Variants in VTI1A observed in about 807,000 individuals in gnomAD.
The protein encoded by VTI1A is vesicle transport through interaction with t-SNAREs 1A.
Under a neutral mutation model 34.9 loss-of-function variants are expected in VTI1A, and 22 were observed. The observed-to-expected ratio is 0.63, with a 90% CI of 0.45 to 0.90. VTI1A has a LOEUF of 0.90. Among genes scored for constraint, VTI1A ranks in the 40% least tolerant of loss-of-function variants. VTI1A has a pLI of 0.00. For synonymous variants in VTI1A, 87 were observed against 97.3 expected (o/e 0.89, Z 0.62); for missense variants, 268 against 275.6 (o/e 0.97, Z 0.20).
At chr10:112,808,745 C>T (rs180856435) in intron 7 of VTI1A, among the ~76,000 whole-genome samples, 133 of 152,108 alleles carry the variant, frequency 8.7e-4, no homozygotes, top group African/African-American at 2.9e-3. Context: ...GTTTCAGGCA[C>T]ACAGCAGGAA....
At chr10:112,482,335 A>AAT (rs961003722) in intron 3 of VTI1A, among the ~76,000 whole-genome samples, 1 of 152,100 alleles carries the variant, frequency 6.6e-6, no homozygotes, top group African/African-American at 2.4e-5. Context: ...CTTTTAAGCA[A>AAT]ATTGTTGTAC....
chr10:112,575,108 A>G (rs7093363), intron 5 of VTI1A, among the ~76,000 whole-genome samples: 14,580 of 152,256 alleles, frequency 0.096, 1,828 homozygotes, highest in African/African-American at 0.29. Flanking sequence ...TTCCATGACC[A>G]CAAGGACCTT....
At chr10:112,698,640 G>T (rs1003556447) in intron 7 of VTI1A, among the ~76,000 whole-genome samples, 2 of 152,170 alleles carry the variant, frequency 1.3e-5, no homozygotes, top group Non-Finnish European at 2.9e-5. Context: ...TTACCACATG[G>T]CTTAACACCC....
chr10:112,720,133 T>C (rs1849748701), intron 7 of VTI1A, among the ~76,000 whole-genome samples: 2 of 152,232 alleles, frequency 1.3e-5, no homozygotes, highest in Admixed American at 1.3e-4. Flanking sequence ...TTGGGTTGTT[T>C]CTACTTTTTG....
intron 5 of VTI1A, among the ~76,000 whole-genome samples, chr10:112,546,594 A>T (rs994271203): frequency 6.6e-6 from 1 of 152,174 alleles, no homozygotes; most frequent in African/African-American, 2.4e-5. Context: ...AGCATCCAGT[A>T]ACCCAAAAAG....
chr10:112,836,851 T>C, the VTI1A span, among the ~76,000 whole-genome samples: 1 of 152,342 alleles, frequency 6.6e-6, no homozygotes. Flanking sequence ...TCCAAGCTGC[T>C]ACCAGTCGTT....
chr10:112,642,829 C>T (rs1447181154), intron 5 of VTI1A, among the ~76,000 whole-genome samples: 3 of 151,978 alleles, frequency 2.0e-5, no homozygotes, highest in East Asian at 3.9e-4. Flanking sequence ...AATAGTGGTA[C>T]AGATAATGAA....
downstream of VTI1A, among the ~76,000 whole-genome samples, chr10:112,821,115 G>A (rs979942953): frequency 7.2e-5 from 11 of 152,216 alleles, no homozygotes; most frequent in Admixed American, 6.5e-4. Flanking sequence ...AGACATCACA[G>A]AGGGGGCAGT....
intron 5 of VTI1A, among the ~76,000 whole-genome samples, chr10:112,576,065 G>A (rs181257095): frequency 2.0e-3 from 276 of 134,798 alleles, no homozygotes; most frequent in Middle Eastern, 0.011. Flanking sequence ...CTTTCGCCCA[G>A]GCCGGACTGC....
intron 3 of VTI1A, among the ~76,000 whole-genome samples, chr10:112,504,126 A>G (rs889548084): frequency 6.6e-6 from 1 of 152,216 alleles, no homozygotes; most frequent in Non-Finnish European, 1.5e-5. Context: ...GCACTGTTGG[A>G]AAACTTACCT....
rs116373891 is a variant in VTI1A, at chr10:112,620,841, A to C, written c.428-47377A>C. Among the ~76,000 whole-genome samples, 950 of 152,216 alleles carry C rather than the reference A, an allele frequency of 6.2e-3. 11 individuals carry two copies. The highest frequency in any genetic ancestry group is 0.022 in the African/African-American group (920 of 41,526). On this transcript the variant is annotated intron_variant, in intron 5 of 7. Transcript: ENST00000393077. ...AAAAAGAAATTTTGAACCATGGCCA[A>C]GAGATAGGAGAATTCAGAGATACTT...
Position 112,812,324 on chromosome 10 carries a change from A to C in VTI1A, c.561-2966A>C, listed in dbSNP as rs559241982. Among the ~76,000 whole-genome samples, 3 of 152,324 alleles carry C rather than the reference A, an allele frequency of 2.0e-5. No homozygotes were observed. In the South Asian group the frequency reaches 6.2e-4, roughly 32 times the overall value. On this transcript the variant is annotated intron_variant, in intron 7 of 7. Coordinates refer to ENST00000393077, the MANE Select transcript of VTI1A (RefSeq NM_145206.4). ...TCAACATAAAGCCCTCCCCTTGCCC[A>C]AAGTTAGGAGGAAGTTACTTTGGGC...
intron 7 of VTI1A, among the ~76,000 whole-genome samples, chr10:112,718,521 T>C (rs887223454): frequency 6.6e-6 from 1 of 152,236 alleles, no homozygotes; most frequent in Non-Finnish European, 1.5e-5. Flanking sequence ...TTTACACATA[T>C]GTAGAAAACA....
intron 3 of VTI1A, among the ~76,000 whole-genome samples, chr10:112,518,589 C>CTCTCTCTCTATA (rs1475485810): frequency 1.1e-5 from 1 of 94,336 alleles, no homozygotes; most frequent in African/African-American, 4.2e-5. Flanking sequence ...CTCTCTCTCT[C>CTCTCTCTCTATA]TATATATATA....
intron 5 of VTI1A, among the ~76,000 whole-genome samples, chr10:112,623,021 A>G (rs1845788098): frequency 6.6e-6 from 1 of 152,176 alleles, no homozygotes; most frequent in Admixed American, 6.5e-5. Context: ...TGCCTTGTGT[A>G]TAATGCTCAG....
At chr10:112,697,966 T>C (rs1848856697) in intron 7 of VTI1A, among the ~76,000 whole-genome samples, 1 of 151,992 alleles carries the variant, frequency 6.6e-6, no homozygotes, top group East Asian at 1.9e-4. Flanking sequence ...TTGTCTACTT[T>C]TATTCTTTTT....
chr10:112,458,711 G>T (rs959568859), intron 1 of VTI1A, among the ~76,000 whole-genome samples: 1 of 151,060 alleles, frequency 6.6e-6, no homozygotes, highest in African/African-American at 2.4e-5. Context: ...CTGTTGCCCA[G>T]GCTGGAACGC....
rs1295144968 is a variant in VTI1A at position 112,618,516 on chromosome 10, T to TAGAGAGAGAG, written c.428-49701_428-49700insGAGAGAGAGA. 8.1e-3 allele frequency among the ~76,000 whole-genome samples: 374 copies of TAGAGAGAGAG among 46,318 alleles called. 2 individuals are homozygous for TAGAGAGAGAG. Among genetic ancestry groups the TAGAGAGAGAG allele is most frequent in the Non-Finnish European group, 0.011 (303 of 28,418 alleles). The allele number at this position is 46,318 out of a possible 152,430, so 30.4% of individuals were successfully genotyped here. A position where few individuals can be genotyped will look rare whatever the true frequency, so the allele number is the denominator to read the frequency against. The stretch of plus-strand genomic sequence containing the variant: ...ATATATATATATATATATATATATA[T>TAGAGAGAGAG]ATATATATAGAGAGAGAGAGAGAGA... On this transcript the variant is annotated intron_variant, in intron 5 of 7. Coordinates refer to ENST00000393077, the MANE Select transcript of VTI1A (RefSeq NM_145206.4).
At chr10:112,736,116 T>TATATATATATATATATAC (rs1850457244) in intron 7 of VTI1A, among the ~76,000 whole-genome samples, 1 of 142,666 alleles carries the variant, frequency 7.0e-6, no homozygotes, top group Admixed American at 6.9e-5. Flanking sequence ...TGTGTGTATA[T>TATATATATATATATATAC]ATATATATAT....
Sources: gnomAD v4.1 joint callset for allele counts (sites outside exome capture counted in the v4.1 genomes callset) on GRCh38, gnomAD v4.1.1 for gene constraint, MANE v1.5 for transcripts, NCBI Gene and HGNC (gene_info 2026-07-23, HGNC 2026-07-21) for gene names.